The following MTSS1 variants were observed in gnomAD, a reference collection of about 807,000 sequenced individuals.
MTSS1 encodes protein MTSS 1.
MTSS1 carries 18 observed loss-of-function variants against 79.0 expected under a neutral mutation model. The ratio of observed to expected loss-of-function variants is 0.23; its 90% CI spans 0.16 to 0.34. The LOEUF is 0.34. Ranked by LOEUF, MTSS1 falls within the 10% of genes least tolerant of loss-of-function variation. The pLI is 1.00. For missense variants in MTSS1, 815 were observed against 986.2 expected, an observed-to-expected ratio of 0.83 and a Z score of 2.33; for synonymous variants, 341 against 368.6, an observed-to-expected ratio of 0.93 and a Z score of 0.86.
chr8:124,622,631 C>T (rs1478158711), intron 3 of MTSS1, among the ~76,000 whole-genome samples: 1 of 151,740 alleles, frequency 6.6e-6, no homozygotes, highest in Non-Finnish European at 1.5e-5. Flanking sequence ...CCTGTCTCTA[C>T]TAAAACCACA....
intron 3 of MTSS1, among the ~76,000 whole-genome samples, chr8:124,634,825 A>C (rs886129213): frequency 3.9e-5 from 6 of 152,238 alleles, no homozygotes; most frequent in African/African-American, 1.4e-4. Flanking sequence ...CTGGGGACCC[A>C]TCTGTGCTGG....
intron 10 of MTSS1, among the ~76,000 whole-genome samples, chr8:124,560,532 T>C (rs1412054324): frequency 1.3e-5 from 2 of 152,130 alleles, no homozygotes; most frequent in African/African-American, 4.8e-5. Flanking sequence ...ATGCCTATAG[T>C]CCCAGCTACT....
At chr8:124,606,066 C>T (rs953484049) in intron 3 of MTSS1, among the ~76,000 whole-genome samples, 1 of 150,264 alleles carries the variant, frequency 6.7e-6, no homozygotes, top group Non-Finnish European at 1.5e-5. Context: ...ACTTCTGCTT[C>T]CCAGGTTCAA....
At chr8:124,693,679 A>C (rs765500087) in intron 3 of MTSS1, among the ~76,000 whole-genome samples, 29 of 152,170 alleles carry the variant, frequency 1.9e-4, no homozygotes, top group Non-Finnish European at 3.4e-4. Context: ...ACACACTCCA[A>C]GTCTGAGAGG....
At chr8:124,565,842 C>A in intron 8 of MTSS1, 83 bp from the exon 9 acceptor site, 1 of 1,157,046 alleles carries the variant, frequency 8.6e-7, no homozygotes, top group Non-Finnish European at 1.2e-6. Context: ...ACCAAAGCAT[C>A]AAAACGCTGC....
intron 3 of MTSS1, among the ~76,000 whole-genome samples, chr8:124,652,874 A>C (rs1276748256): frequency 6.6e-6 from 1 of 151,488 alleles, no homozygotes; most frequent in Non-Finnish European, 1.5e-5. Context: ...ACGAATATCC[A>C]CCTAAAATGC....
chr8:124,633,991 T>C (rs1378159509), intron 3 of MTSS1, among the ~76,000 whole-genome samples: 1 of 152,136 alleles, frequency 6.6e-6, no homozygotes, highest in Non-Finnish European at 1.5e-5. Context: ...GGTTCAAAAT[T>C]TATGTATCAA....
intron 3 of MTSS1, among the ~76,000 whole-genome samples, chr8:124,671,644 C>T (rs576126099): frequency 9.2e-5 from 14 of 152,302 alleles, no homozygotes; most frequent in Middle Eastern, 6.8e-3. Flanking sequence ...GGATTCATGG[C>T]AACAGCAAAT....
intron 3 of MTSS1, among the ~76,000 whole-genome samples, chr8:124,624,869 T>C (rs1814344713): frequency 6.6e-6 from 1 of 152,148 alleles, no homozygotes; most frequent in African/African-American, 2.4e-5. Context: ...CCCTCCACAT[T>C]AAAATGGCAG....
intron 6 of MTSS1, among the ~76,000 whole-genome samples, chr8:124,576,178 T>C (rs1487617144): frequency 6.6e-6 from 1 of 152,270 alleles, no homozygotes; most frequent in Non-Finnish European, 1.5e-5. Flanking sequence ...TAAACAAGGC[T>C]ACAATCTGCA....
At position 124,717,002 on chromosome 8, in the gene MTSS1, T is replaced by TAAA. The variant is rs34043239; in HGVS notation, c.72+10879_72+10881dup. 8.5e-3 allele frequency among the ~76,000 whole-genome samples: 1,124 copies of TAAA among 132,372 alleles called. 18 individuals are homozygous for TAAA. The highest frequency in any genetic ancestry group is 0.028 in the African/African-American group (1,052 of 37,102). The allele number at this position is 132,372 out of a possible 152,430, so 86.8% of individuals were successfully genotyped here. ...TTGTTGTAGGGTTGCTTATAATTAG[T>TAAA]AAAAAAAAAAAAAAAAACTGGACGC... On this transcript the variant is annotated intron_variant, in intron 1 of 13. Transcript: ENST00000518547.
chr8:124,671,794 C>T (rs1296368618), intron 3 of MTSS1, among the ~76,000 whole-genome samples: 1 of 152,214 alleles, frequency 6.6e-6, no homozygotes, highest in African/African-American at 2.4e-5. Flanking sequence ...CCAGGAAACA[C>T]ATACCATGAT....
intron 3 of MTSS1, among the ~76,000 whole-genome samples, chr8:124,623,629 T>C (rs1350379734): frequency 6.6e-6 from 1 of 151,906 alleles, no homozygotes; most frequent in Non-Finnish European, 1.5e-5. Context: ...CTGTGTTTTT[T>C]TGTTTGTTTG....
At chr8:124,707,014 C>CAATA (rs1477048934) in intron 1 of MTSS1, among the ~76,000 whole-genome samples, 1 of 152,038 alleles carries the variant, frequency 6.6e-6, no homozygotes, top group African/African-American at 2.4e-5. Flanking sequence ...CTCAACCAAC[C>CAATA]AATAGCAGCT....
chr8:124,603,959 C>A (rs1834359411), intron 3 of MTSS1, among the ~76,000 whole-genome samples: 1 of 152,040 alleles, frequency 6.6e-6, no homozygotes, highest in South Asian at 2.1e-4. Context: ...AGCTGATGAG[C>A]TAAAAAAACA....
At chr8:124,707,809 G>A (rs1336170165) in intron 1 of MTSS1, among the ~76,000 whole-genome samples, 3 of 152,160 alleles carry the variant, frequency 2.0e-5, no homozygotes, top group Admixed American at 6.5e-5. Flanking sequence ...CCGGGAGATC[G>A]AAGCTGCAGT....
intron 3 of MTSS1, among the ~76,000 whole-genome samples, chr8:124,631,813 G>A (rs983439329): frequency 3.3e-5 from 5 of 152,118 alleles, no homozygotes; most frequent in Admixed American, 1.3e-4. Context: ...TCACACCCAC[G>A]GCCCTCCAAA....
At chr8:124,609,658 T>C (rs910290366) in intron 3 of MTSS1, among the ~76,000 whole-genome samples, 2 of 152,232 alleles carry the variant, frequency 1.3e-5, no homozygotes, top group African/African-American at 2.4e-5. Context: ...CTTAATGCGC[T>C]GTCCTGGGCT....
At chr8:124,628,260 T>C (rs1815137506) in intron 3 of MTSS1, among the ~76,000 whole-genome samples, 1 of 152,084 alleles carries the variant, frequency 6.6e-6, no homozygotes, top group Non-Finnish European at 1.5e-5. Context: ...TGAGAACGGG[T>C]GCTTCCCATC....
Sources: allele counts gnomAD v4.1 joint callset (sites outside exome capture counted in the v4.1 genomes callset), GRCh38; gene constraint gnomAD v4.1.1; transcripts MANE v1.5; gene names NCBI Gene and HGNC (gene_info 2026-07-23, HGNC 2026-07-21).